ABCA1: variants seen among roughly 807,000 people sequenced by gnomAD.
ABCA1 encodes the protein phospholipid-transporting ATPase ABCA1.
Under a neutral mutation model 262.5 loss-of-function variants are expected in ABCA1, and 133 were observed. That is an observed-to-expected ratio of 0.51 (90% CI 0.44 to 0.59). The LOEUF (loss-of-function observed/expected upper bound fraction) is 0.59. Among genes scored for constraint, ABCA1 ranks in the 20% least tolerant of loss-of-function variants. ABCA1 has a pLI of 0.00. For missense variants in ABCA1, 2,452 were observed against 2,777.5 expected (o/e 0.88, Z 2.63); for synonymous variants, 1,022 against 1,043.5 (o/e 0.98, Z 0.40).
intron 30 of ABCA1, among the ~76,000 whole-genome samples, chr9:104,808,128 T>C (rs989586122): frequency 9.2e-5 from 14 of 152,070 alleles, no homozygotes; most frequent in African/African-American, 3.4e-4. Context: ...CACCATTTTT[T>C]TGCAAAACCT....
At chr9:104,889,285 C>A in intron 2 of ABCA1, 90 bp from the exon 3 acceptor site, 3 of 1,541,074 alleles carry the variant, frequency 1.9e-6, no homozygotes, top group Non-Finnish European at 1.8e-6. Context: ...CAGACAACTT[C>A]ATTTACTAAT....
intron 2 of ABCA1, among the ~76,000 whole-genome samples, chr9:104,900,620 T>A (rs1023807241): frequency 6.6e-6 from 1 of 152,136 alleles, no homozygotes; most frequent in Admixed American, 6.5e-5. Context: ...TTCAGAGACA[T>A]AGAAGCTTTA....
At chr9:104,887,384 G>A (rs1281419676) in intron 3 of ABCA1, among the ~76,000 whole-genome samples, 2 of 152,172 alleles carry the variant, frequency 1.3e-5, no homozygotes, top group East Asian at 1.9e-4. Flanking sequence ...GGAGTCAGAG[G>A]AATCTAGGTT....
intron 19 of ABCA1, among the ~76,000 whole-genome samples, chr9:104,821,937 G>T (rs1449014642): frequency 2.0e-5 from 3 of 152,240 alleles, no homozygotes; most frequent in African/African-American, 7.2e-5. Context: ...TTTAAAAAAA[G>T]ATTAAAAAGA....
chr9:104,786,080 T>G (rs1334185365), intron 48 of ABCA1, among the ~76,000 whole-genome samples: 1 of 152,206 alleles, frequency 6.6e-6, no homozygotes, highest in African/African-American at 2.4e-5. Flanking sequence ...AACTAACTCT[T>G]ACAGTAGTTA....
At chr9:104,828,479 T>C (rs1832983966) in intron 15 of ABCA1, among the ~76,000 whole-genome samples, 1 of 152,222 alleles carries the variant, frequency 6.6e-6, no homozygotes, top group Non-Finnish European at 1.5e-5. Flanking sequence ...TAAATACCCA[T>C]ACATCAAACT....
intron 44 of ABCA1, 40 bp downstream of exon 44, chr9:104,790,882 A>C (rs1050382824): frequency 1.5e-6 from 2 of 1,354,528 alleles, no homozygotes; most frequent in Non-Finnish European, 1.1e-6. Context: ...AATTAAAAAC[A>C]AAGTCTTTGC....
intron 31 of ABCA1, 47 bp downstream of exon 31, chr9:104,806,194 C>A: frequency 6.3e-7 from 1 of 1,581,780 alleles, no homozygotes; most frequent in Non-Finnish European, 8.7e-7. Flanking sequence ...AAGCTACCAG[C>A]CCATCCTGCA....
intron 37 of ABCA1, among the ~76,000 whole-genome samples, chr9:104,797,723 G>A (rs189497341): frequency 6.6e-6 from 1 of 152,308 alleles, no homozygotes; most frequent in East Asian, 1.9e-4. Context: ...AGGTTACAAG[G>A]TGTATTCTCA....
intron 5 of ABCA1, among the ~76,000 whole-genome samples, chr9:104,867,551 A>C (rs1011191419): frequency 6.6e-6 from 1 of 152,208 alleles, no homozygotes; most frequent in Admixed American, 6.5e-5. Flanking sequence ...GTGCATATGT[A>C]TGTGTGTATT....
intron 1 of ABCA1, among the ~76,000 whole-genome samples, chr9:104,913,863 T>G (rs1383386479): frequency 6.6e-6 from 1 of 152,176 alleles, no homozygotes; most frequent in Non-Finnish European, 1.5e-5. Flanking sequence ...TGGCGCGATC[T>G]CGGCTCACTG....
chr9:104,916,561 T>C (rs1356106926), intron 1 of ABCA1, among the ~76,000 whole-genome samples: 1 of 152,244 alleles, frequency 6.6e-6, no homozygotes, highest in Non-Finnish European at 1.5e-5. Flanking sequence ...TCTGGTATAG[T>C]ATGAAGAAGC....
intron 40 of ABCA1, 133 bp from the exon 41 acceptor site, chr9:104,793,433 G>C: frequency 6.4e-6 from 8 of 1,253,570 alleles, no homozygotes; most frequent in Non-Finnish European, 7.9e-6. Context: ...CCCATGACAA[G>C]GAAAAAAGAG....
intron 5 of ABCA1, among the ~76,000 whole-genome samples, chr9:104,870,195 A>C (rs573790591): frequency 1.3e-5 from 2 of 152,340 alleles, no homozygotes; most frequent in Non-Finnish European, 2.9e-5. Flanking sequence ...TTTACAAATA[A>C]TATAAACTTG....
chr9:104,894,705 G>A (rs1253955883), intron 2 of ABCA1, among the ~76,000 whole-genome samples: 1 of 152,160 alleles, frequency 6.6e-6, no homozygotes, highest in African/African-American at 2.4e-5. Flanking sequence ...TATGCACTTT[G>A]CCTTCACTTA....
rs1291142536 is a variant in ABCA1, at chr9:104,781,877, C to T, written c.*2438G>A. ...ATAGAGTTGGTAAAAATTTCTACCACAATTAGGTTTACACAGGAAAATGTA... is the reference window on the plus strand; with the variant it reads ...ATAGAGTTGGTAAAAATTTCTACCATAATTAGGTTTACACAGGAAAATGTA... On this transcript the variant is annotated 3_prime_UTR_variant, in exon 50 of 50. Transcript: ENST00000374736. 1.3e-5 allele frequency: 2 copies of T among 152,368 alleles called. No homozygotes were observed. The highest frequency in any genetic ancestry group is 2.9e-5 in the Non-Finnish European group (2 of 67,936). 9.4% of individuals were successfully genotyped at this position (152,368 alleles called of 1,614,324 possible).
In ABCA1 at chr9:104,871,758, A is replaced by T. The variant is rs1387419926; in HGVS notation, c.422-9958T>A. On this transcript the variant is annotated intron_variant, in intron 5 of 49. Transcript: ENST00000374736. ...AAGGTAAGAGATAGGAAGTATGAAG[A>T]AACAGAGTCCAGAAACAGGAAAGAC... Among the ~76,000 whole-genome samples, 3 of 152,160 alleles carry T rather than the reference A, an allele frequency of 2.0e-5. No individual in the cohort carries two copies. In the East Asian group the frequency reaches 5.8e-4, roughly 29 times the overall value.
chr9:104,814,275 A>G (rs375262969), intron 26 of ABCA1, 44 bp from the exon 27 acceptor site: 2 of 1,604,480 alleles, frequency 1.2e-6, no homozygotes, highest in African/African-American at 1.3e-5. Flanking sequence ...TTTATTTACA[A>G]CAAAACAAAC....
At position 104,916,894 on chromosome 9, in the gene ABCA1, T is replaced by C. The variant is rs189704012; in HGVS notation, c.-93+11041A>G. 7.7e-3 allele frequency among the ~76,000 whole-genome samples: 1,170 copies of C among 152,118 alleles called. 4 individuals are homozygous for C. Among genetic ancestry groups the C allele is most frequent in the Non-Finnish European group, 0.012 (824 of 68,014 alleles). On this transcript the variant is annotated intron_variant, in intron 1 of 49. Coordinates refer to ENST00000374736, the MANE Select transcript of ABCA1 (RefSeq NM_005502.4). ...AAGCTGAAGTGGATGACCTTCTGAGTCTAAGAAAACTGTTTGGGACTTGGG... is the reference window on the plus strand; with the variant it reads ...AAGCTGAAGTGGATGACCTTCTGAGCCTAAGAAAACTGTTTGGGACTTGGG...
Sources: allele counts gnomAD v4.1 joint callset (sites outside exome capture counted in the v4.1 genomes callset), GRCh38; gene constraint gnomAD v4.1.1; transcripts MANE v1.5; gene names NCBI Gene and HGNC (gene_info 2026-07-23, HGNC 2026-07-21).